PRKG1: variants seen among roughly 807,000 people sequenced by gnomAD.
PRKG1 encodes cGMP-dependent protein kinase 1.
A neutral mutation model predicts 88.1 loss-of-function variants in PRKG1; 35 were observed. The observed-to-expected ratio is 0.40, with a 90% confidence interval of 0.30 to 0.53. The LOEUF (loss-of-function observed/expected upper bound fraction) is 0.53, where lower values mean the gene tolerates loss of function less well. Among genes scored for constraint, PRKG1 ranks in the 20% least tolerant of loss-of-function variants. The pLI, the probability that PRKG1 is intolerant of heterozygous loss-of-function variation, is 0.59. For missense variants in PRKG1, 540 were observed against 839.8 expected (o/e 0.64, Z 4.41); for synonymous variants, 303 against 292.5 (o/e 1.04, Z -0.37).
intron 3 of PRKG1, among the ~76,000 whole-genome samples, chr10:51,793,138 C>CAAAA (rs775904836): frequency 1.4e-3 from 96 of 69,636 alleles, no homozygotes; most frequent in African/African-American, 4.7e-3. Flanking sequence ...CAGCACACTG[C>CAAAA]AAAAAAAAAA....
chr10:51,345,637 G>GCAAA (rs574217696), intron 2 of PRKG1, among the ~76,000 whole-genome samples: 4 of 152,158 alleles, frequency 2.6e-5, no homozygotes, highest in Non-Finnish European at 5.9e-5. Flanking sequence ...TTTGGAACAA[G>GCAAA]CAAACAACAT....
rs11001464 is a variant in PRKG1 at position 52,289,163 on chromosome 10, A to G, written c.1895+170A>G. ...TTTCTAGTTGTGATTATGAAACCTT[A>G]TTTATATTTATCTGACAACCCTGTA... On this transcript the variant is annotated intron_variant, in intron 16 of 17. Transcript: ENST00000373980. 0.044 allele frequency among the ~76,000 whole-genome samples: 6,709 copies of G among 152,130 alleles called. 435 individuals carry two copies. Among genetic ancestry groups the G allele is most frequent in the African/African-American group, 0.14 (5,865 of 41,496 alleles).
intron 10 of PRKG1, among the ~76,000 whole-genome samples, chr10:52,254,599 T>A (rs1841263954): frequency 6.6e-6 from 1 of 151,994 alleles, no homozygotes; most frequent in South Asian, 2.1e-4. Flanking sequence ...TAGAGTGAAG[T>A]TAAGAATGTA....
At chr10:51,621,963 T>C (rs1380277759) in intron 3 of PRKG1, among the ~76,000 whole-genome samples, 1 of 152,204 alleles carries the variant, frequency 6.6e-6, no homozygotes, top group Non-Finnish European at 1.5e-5. Flanking sequence ...GATTGAAATG[T>C]TTGAAATACA....
intron 3 of PRKG1, among the ~76,000 whole-genome samples, chr10:51,681,496 T>G (rs1337661164): frequency 2.6e-5 from 4 of 152,270 alleles, no homozygotes; most frequent in African/African-American, 9.6e-5. Flanking sequence ...ATTAACCAAG[T>G]GAATGTTAAA....
chr10:51,444,844 T>G (rs1371669977), intron 2 of PRKG1, among the ~76,000 whole-genome samples: 1 of 151,878 alleles, frequency 6.6e-6, no homozygotes, highest in Non-Finnish European at 1.5e-5. Context: ...ACTTCAAAAC[T>G]AATGGAGATA....
chr10:51,925,254 T>C (rs1842549757), intron 5 of PRKG1, among the ~76,000 whole-genome samples: 1 of 152,038 alleles, frequency 6.6e-6, no homozygotes, highest in African/African-American at 2.4e-5. Context: ...TTGTTGTAGC[T>C]GTAGTGTCAG....
intron 5 of PRKG1, among the ~76,000 whole-genome samples, chr10:51,915,702 A>T (rs1449082224): frequency 6.6e-6 from 1 of 152,188 alleles, no homozygotes. Context: ...TGCTAATTAT[A>T]GGTGTTATAA....
intron 1 of PRKG1, among the ~76,000 whole-genome samples, chr10:51,134,544 G>C (rs990015993): frequency 1.3e-5 from 2 of 152,164 alleles, no homozygotes; most frequent in Non-Finnish European, 2.9e-5. Context: ...CACCATGAAT[G>C]TGGAAAGTTG....
chr10:51,636,954 G>A (rs1043942021), intron 3 of PRKG1, among the ~76,000 whole-genome samples: 29 of 152,094 alleles, frequency 1.9e-4, no homozygotes, highest in African/African-American at 6.5e-4. Context: ...CTAAATCTTA[G>A]CAACAAATTG....
Position 51,966,918 on chromosome 10 carries a change from T to A in PRKG1, c.762+59348T>A, listed in dbSNP as rs533870981. Among the ~76,000 whole-genome samples, 13 of 152,108 alleles carry A rather than the reference T, an allele frequency of 8.5e-5. No homozygotes were observed. In the South Asian group the frequency reaches 2.5e-3, roughly 29 times the overall value. On this transcript the variant is annotated intron_variant, in intron 5 of 17. Coordinates refer to ENST00000373980, the MANE Select transcript of PRKG1 (RefSeq NM_006258.4). ...TAAAAAGTCAGGAAACAACAGGTGC[T>A]GGAGAGGATGTGGAGAAAAAGGAAC...
chr10:51,681,413 A>C (rs1840845827), intron 3 of PRKG1, among the ~76,000 whole-genome samples: 1 of 152,192 alleles, frequency 6.6e-6, no homozygotes, highest in Admixed American at 6.5e-5. Context: ...TACAGTAGTC[A>C]GAAGTAAATA....
chr10:51,015,189 C>G (rs929172510), intron 1 of PRKG1, among the ~76,000 whole-genome samples: 4 of 152,182 alleles, frequency 2.6e-5, no homozygotes, highest in African/African-American at 9.7e-5. Flanking sequence ...CCAATAATGC[C>G]TTTACTGAAT....
intron 4 of PRKG1, among the ~76,000 whole-genome samples, chr10:51,809,953 C>A (rs139202054): frequency 2.0e-5 from 3 of 152,066 alleles, no homozygotes; most frequent in Admixed American, 1.3e-4. Flanking sequence ...GTTTCATCTC[C>A]TTAGATGCTC....
intron 3 of PRKG1, among the ~76,000 whole-genome samples, chr10:51,486,094 C>CATT (rs924283774): frequency 6.6e-6 from 1 of 152,036 alleles, no homozygotes; most frequent in Non-Finnish European, 1.5e-5. Context: ...TTATAAAATA[C>CATT]ATTATTATTA....
intron 3 of PRKG1, among the ~76,000 whole-genome samples, chr10:51,505,423 TA>T (rs1841168371): frequency 6.6e-6 from 1 of 152,188 alleles, no homozygotes; most frequent in Admixed American, 6.5e-5. Flanking sequence ...GATATTGGTC[TA>T]AAATTCTCTT....
Position 51,970,815 on chromosome 10 carries a change from GTA to G in PRKG1, c.762+63257_762+63258del, listed in dbSNP as rs573621951. On this transcript the variant is annotated intron_variant, in intron 5 of 17. Transcript: ENST00000373980. ...ATTATATATATATATCAGATGATGT[GTA>G]TATATATATATGTGATATATATATA... is the stretch of plus-strand genomic sequence containing the variant. Among the ~76,000 whole-genome samples, 114 of 139,818 alleles carry G rather than the reference GTA, an allele frequency of 8.2e-4. 2 individuals carry two copies. Among genetic ancestry groups the G allele is most frequent in the African/African-American group, 2.5e-3 (95 of 37,340 alleles). 91.7% of individuals were successfully genotyped at this position (139,818 alleles called of 152,430 possible).
chr10:52,023,100 T>A (rs1421117831), intron 5 of PRKG1, among the ~76,000 whole-genome samples: 1 of 152,118 alleles, frequency 6.6e-6, no homozygotes, highest in African/African-American at 2.4e-5. Context: ...TGGTGTGTGA[T>A]GTTTCCTTTC....
At position 51,583,417 on chromosome 10, in the gene PRKG1, A is replaced by G. The variant is rs567981835; in HGVS notation, c.592+115581A>G. ...CATCATTGTTTAGTCTTCTCTATTC[A>G]TTAAATGAAAGCACCATCTGCTCTA... On this transcript the variant is annotated intron_variant, in intron 3 of 17. Coordinates refer to ENST00000373980, the MANE Select transcript of PRKG1 (RefSeq NM_006258.4). Among the ~76,000 whole-genome samples, 5 of 152,258 alleles carry G rather than the reference A, an allele frequency of 3.3e-5. No individual in the cohort carries two copies. In the South Asian group the frequency reaches 1.0e-3, roughly 32 times the overall value.
Sources: gnomAD v4.1 joint callset for allele counts (sites outside exome capture counted in the v4.1 genomes callset) on GRCh38, gnomAD v4.1.1 for gene constraint, MANE v1.5 for transcripts, NCBI Gene and HGNC (gene_info 2026-07-23, HGNC 2026-07-21) for gene names.